ART3: variants seen among roughly 807,000 people sequenced by gnomAD.
ART3 encodes ADP-ribosyltransferase 3 (inactive), also known as ecto-ADP-ribosyltransferase 3.
Under a neutral mutation model 48.5 loss-of-function variants are expected in ART3, and 49 were observed. That is an observed-to-expected ratio of 1.01 (90% CI 0.80 to 1.28). The LOEUF (loss-of-function observed/expected upper bound fraction) is 1.28. ART3 is among the 50% of genes most tolerant of loss of function. The pLI, the probability that ART3 is intolerant of heterozygous loss-of-function variation, is 0.00. For synonymous variants in ART3, 145 were observed against 157.2 expected (o/e 0.92, Z 0.58); for missense variants, 438 against 454.3 (o/e 0.96, Z 0.33).
chr4:76,051,330 T>C lies in ART3; in HGVS notation c.-9-24551T>C, dbSNP rs376434912. Among the ~76,000 whole-genome samples the C allele has an allele frequency of 4.1e-4, 62 of 152,230 alleles. No individual in the cohort carries two copies. In the South Asian group the frequency reaches 8.9e-3, roughly 22 times the overall value. On this transcript the variant is annotated intron_variant, in intron 1 of 9. Transcript: ENST00000341029. Reference sequence around the variant, plus strand: ...TTTTTAAGAGTTCTTAGTAGAATACTACTGTGAGTTTCTTATAATATTATT... The same window carrying C: ...TTTTTAAGAGTTCTTAGTAGAATACCACTGTGAGTTTCTTATAATATTATT...
At position 76,112,460 on chromosome 4, in the gene ART3, T is replaced by G; in HGVS notation, c.1111T>G (p.Phe371Val). The G allele has an allele frequency of 6.2e-7, 1 of 1,614,106 alleles. No homozygotes were observed. Among genetic ancestry groups the G allele is most frequent in the South Asian group, 1.1e-5 (1 of 91,084 alleles). Residue 371 changes from phenylalanine (F) to valine (V), a missense_variant, in exon 12 of 12, where the codon TTT (phenylalanine) becomes GTT (valine). Coordinates refer to ENST00000355810, the MANE Select transcript of ART3 (RefSeq NM_001130016.3). The part of the protein sequence containing the change: ...ASSGKLLLPQ[F>V]GMVIILISVS... Reference sequence around the variant, plus strand: ...CTCGGGCAAACTGCTGCTTCCACAGTTTGGGATGGTCATCATTTTAATCAG... The same window carrying G: ...CTCGGGCAAACTGCTGCTTCCACAGGTTGGGATGGTCATCATTTTAATCAG...
chr4:76,067,006 G>A (rs997006493), intron 1 of ART3, among the ~76,000 whole-genome samples: 6 of 152,298 alleles, frequency 3.9e-5, no homozygotes, highest in Non-Finnish European at 7.4e-5. Context: ...CCCTGCCCAG[G>A]AGGGCAGGGC....
intron 1 of ART3, among the ~76,000 whole-genome samples, chr4:76,052,052 C>T (rs1304643438): frequency 6.6e-6 from 1 of 151,802 alleles, no homozygotes; most frequent in Non-Finnish European, 1.5e-5. Context: ...GGATTACGGT[C>T]GCCTGCCACC....
intron 3 of ART3, among the ~76,000 whole-genome samples, chr4:76,091,935 AG>A (rs1429141015): frequency 6.6e-6 from 1 of 152,264 alleles, no homozygotes; most frequent in East Asian, 1.9e-4. Flanking sequence ...CACCTGCCTC[AG>A]CCTCCCAAAG....
intron 5 of ART3, among the ~76,000 whole-genome samples, chr4:76,099,933 A>G (rs1034670842): frequency 1.3e-5 from 2 of 152,232 alleles, no homozygotes; most frequent in Non-Finnish European, 2.9e-5. Context: ...TGCCTTGAAG[A>G]CTTGCTTAGC....
chr4:76,090,585 A>C (rs566316248), intron 3 of ART3, among the ~76,000 whole-genome samples: 1 of 152,278 alleles, frequency 6.6e-6, no homozygotes, highest in East Asian at 1.9e-4. Context: ...CTAACTGTAG[A>C]CTTCTCTGCT....
intron 1 of ART3, among the ~76,000 whole-genome samples, chr4:76,038,502 C>G (rs1578270011): frequency 6.6e-6 from 1 of 152,172 alleles, no homozygotes; most frequent in African/African-American, 2.4e-5. Context: ...ATTCATTTAA[C>G]ATATGTAAAG....
At chr4:76,110,867 G>A (rs1412495522) in intron 11 of ART3, among the ~76,000 whole-genome samples, 1 of 151,978 alleles carries the variant, frequency 6.6e-6, no homozygotes. Flanking sequence ...AGTATGTCAT[G>A]AATGCATAAA....
intron 1 of ART3, among the ~76,000 whole-genome samples, chr4:76,064,597 A>C (rs1719530508): frequency 6.6e-6 from 1 of 152,242 alleles, no homozygotes; most frequent in Non-Finnish European, 1.5e-5. Flanking sequence ...GCATGGCTAC[A>C]GAACAAAAAG....
intron 3 of ART3, among the ~76,000 whole-genome samples, chr4:76,091,582 T>G (rs1344627487): frequency 6.6e-6 from 1 of 152,180 alleles, no homozygotes; most frequent in Non-Finnish European, 1.5e-5. Context: ...TTAATGAGGT[T>G]GTTTTCTTAT....
intron 1 of ART3, among the ~76,000 whole-genome samples, chr4:76,065,467 A>C (rs1377533593): frequency 6.6e-6 from 1 of 151,816 alleles, no homozygotes; most frequent in African/African-American, 2.4e-5. Context: ...CTGGCTGAGA[A>C]TCAGGTTTTT....
chr4:76,042,593 G>A (rs1054097683), intron 1 of ART3, among the ~76,000 whole-genome samples: 8 of 152,014 alleles, frequency 5.3e-5, no homozygotes, highest in Non-Finnish European at 1.0e-4. Context: ...ACGGACCCTC[G>A]CGGTGAGTGT....
chr4:76,035,038 G>A, intron 1 of ART3: 1 of 1,604,000 alleles, frequency 6.2e-7, no homozygotes, highest in African/African-American at 1.3e-5. Flanking sequence ...GAGTAATTTG[G>A]TAACTTACTT....
intron 1 of ART3, among the ~76,000 whole-genome samples, chr4:76,064,020 T>C (rs2149486417): frequency 6.6e-6 from 1 of 152,180 alleles, no homozygotes; most frequent in South Asian, 2.1e-4. Context: ...TGCAGTAGCA[T>C]GAGACAAAAA....
chr4:76,071,343 G>A (rs572131739), upstream of ART3, among the ~76,000 whole-genome samples: 72 of 150,210 alleles, frequency 4.8e-4, no homozygotes, highest in African/African-American at 1.6e-3. Context: ...ACTCCAGCCT[G>A]TGTGACAGAG....
intron 1 of ART3, among the ~76,000 whole-genome samples, chr4:76,053,757 T>C (rs1038729054): frequency 2.6e-5 from 4 of 152,244 alleles, no homozygotes; most frequent in African/African-American, 9.6e-5. Context: ...CTAACCCTCT[T>C]TTCCATGTCC....
At chr4:76,022,098 C>A in intron 1 of ART3, 1 of 844,060 alleles carries the variant, frequency 1.2e-6, no homozygotes, top group South Asian at 1.5e-5. Context: ...TTGCTTTTTT[C>A]AACCATGAAA....
intron 1 of ART3, among the ~76,000 whole-genome samples, chr4:76,017,336 C>T (rs112170674): frequency 0.012 from 1,789 of 152,074 alleles, 19 homozygotes; most frequent in Middle Eastern, 0.061. Flanking sequence ...CAGCAGGTTC[C>T]CTTCTGGCCC....
intron 1 of ART3, among the ~76,000 whole-genome samples, chr4:76,027,145 C>A (rs1021783136): frequency 6.6e-6 from 1 of 151,940 alleles, no homozygotes; most frequent in Admixed American, 6.6e-5. Flanking sequence ...CCCAGCTACA[C>A]AGGAGGCTGA....
Sources: allele counts gnomAD v4.1 joint callset (sites outside exome capture counted in the v4.1 genomes callset), GRCh38; gene constraint gnomAD v4.1.1; transcripts MANE v1.5; gene names NCBI Gene and HGNC (gene_info 2026-07-23, HGNC 2026-07-21).